Variants in PPP2R5A observed in about 807,000 individuals in gnomAD.
PPP2R5A encodes the protein protein phosphatase 2 regulatory subunit B'alpha.
A neutral mutation model predicts 64.2 loss-of-function variants in PPP2R5A; 25 were observed. The ratio of observed to expected loss-of-function variants is 0.39; its 90% CI spans 0.28 to 0.54. The LOEUF (loss-of-function observed/expected upper bound fraction) is 0.54. Among genes scored for constraint, PPP2R5A ranks in the 20% least tolerant of loss-of-function variants. The probability of loss-of-function intolerance (pLI) is 0.67; values close to 1 mark genes in which losing one functional copy is unlikely to be tolerated. For synonymous variants in PPP2R5A, 198 were observed against 201.2 expected (o/e 0.98, Z 0.13); for missense variants, 425 against 576.3 (o/e 0.74, Z 2.69).
chr1:212,347,553 T>G (rs1379841063), intron 6 of PPP2R5A, 147 bp downstream of exon 6: 25 of 616,012 alleles, frequency 4.1e-5, no homozygotes, highest in Middle Eastern at 4.7e-4. Context: ...TTTTTTTTTT[T>G]TTTGAGACGG....
chr1:212,343,239 C>T (rs942847309), intron 4 of PPP2R5A, among the ~76,000 whole-genome samples: 9 of 152,186 alleles, frequency 5.9e-5, no homozygotes, highest in African/African-American at 2.2e-4. Context: ...AGGTGTGAGC[C>T]ACTGCACTGG....
chr1:212,325,313 G>A (rs1346652553), intron 1 of PPP2R5A, among the ~76,000 whole-genome samples: 1 of 152,176 alleles, frequency 6.6e-6, no homozygotes, highest in African/African-American at 2.4e-5. Flanking sequence ...TGGAGAATGT[G>A]AGATTAAGTT....
At chr1:212,311,686 G>C (rs2102420555) in intron 1 of PPP2R5A, among the ~76,000 whole-genome samples, 1 of 152,200 alleles carries the variant, frequency 6.6e-6, no homozygotes, top group East Asian at 1.9e-4. Context: ...TGACGTAGAT[G>C]ATCCTGACCC....
At chr1:212,304,994 G>C (rs1254304638) in intron 1 of PPP2R5A, among the ~76,000 whole-genome samples, 2 of 149,558 alleles carry the variant, frequency 1.3e-5, no homozygotes, top group Non-Finnish European at 3.0e-5. Context: ...GCGTCCCTGA[G>C]TGCTGGGATT....
rs533912446 is a variant in PPP2R5A, at chr1:212,304,783, A to C, written c.181+18492A>C. The stretch of plus-strand genomic sequence containing the variant: ...AGTCTCACTCTGTTGCCCAGGCTGG[A>C]GTGCAGTGGCATGATCTCGGCTCAC... On this transcript the variant is annotated intron_variant, in intron 1 of 12. Transcript: ENST00000261461. Among the ~76,000 whole-genome samples the C allele has an allele frequency of 2.4e-3, 327 of 135,260 alleles. 3 individuals carry two copies. The highest frequency in any genetic ancestry group is 5.0e-3 in the South Asian group (20 of 3,986). 88.7% of individuals were successfully genotyped at this position (135,260 alleles called of 152,430 possible).
intron 1 of PPP2R5A, among the ~76,000 whole-genome samples, chr1:212,310,618 A>C (rs185642486): frequency 2.0e-5 from 3 of 152,342 alleles, no homozygotes; most frequent in Admixed American, 1.3e-4. Context: ...AAGTGGGAGC[A>C]GCAGCCCGAG....
At chr1:212,338,917 T>C (rs1470376077) in intron 3 of PPP2R5A, among the ~76,000 whole-genome samples, 1 of 152,156 alleles carries the variant, frequency 6.6e-6, no homozygotes, top group Non-Finnish European at 1.5e-5. Context: ...TTTGTAAACA[T>C]TGAGGGTAAA....
intron 1 of PPP2R5A, among the ~76,000 whole-genome samples, chr1:212,311,023 A>G (rs1342332569): frequency 1.3e-5 from 2 of 152,210 alleles, no homozygotes; most frequent in Non-Finnish European, 2.9e-5. Flanking sequence ...GTTTTGGTCC[A>G]TGACGTGGTA....
intron 1 of PPP2R5A, among the ~76,000 whole-genome samples, chr1:212,310,788 C>A (rs1388972468): frequency 6.6e-6 from 1 of 152,158 alleles, no homozygotes; most frequent in African/African-American, 2.4e-5. Flanking sequence ...GCCTGCCTTT[C>A]AGTTGCACTT....
At chr1:212,324,788 G>T (rs1659378209) in intron 1 of PPP2R5A, among the ~76,000 whole-genome samples, 1 of 151,948 alleles carries the variant, frequency 6.6e-6, no homozygotes, top group Non-Finnish European at 1.5e-5. Context: ...GTTACTTTTA[G>T]TAGAGACAGG....
At chr1:212,296,620 T>A (rs894322594) in intron 1 of PPP2R5A, among the ~76,000 whole-genome samples, 3 of 152,208 alleles carry the variant, frequency 2.0e-5, no homozygotes, top group Non-Finnish European at 4.4e-5. Flanking sequence ...CCGGGACAAG[T>A]TGCCTGAATA....
At chr1:212,320,612 C>A (rs1485821242) in intron 1 of PPP2R5A, among the ~76,000 whole-genome samples, 2 of 147,650 alleles carry the variant, frequency 1.4e-5, no homozygotes, top group Admixed American at 1.3e-4. Flanking sequence ...GGGCAGCTGG[C>A]CGGGCGGGGG....
At chr1:212,347,247 A>C (rs1229499583) in intron 5 of PPP2R5A, 100 bp from the exon 6 acceptor site, 2 of 822,454 alleles carry the variant, frequency 2.4e-6, no homozygotes, top group South Asian at 3.1e-5. Context: ...GTGTGTTTCT[A>C]ATAGCTGTCC....
intron 1 of PPP2R5A, among the ~76,000 whole-genome samples, chr1:212,293,796 ACT>A (rs1658645034): frequency 6.6e-6 from 1 of 152,020 alleles, no homozygotes; most frequent in Admixed American, 6.6e-5. Context: ...AATTGCCGCT[ACT>A]ATATAACCTT....
At chr1:212,296,476 A>G (rs1658692649) in intron 1 of PPP2R5A, among the ~76,000 whole-genome samples, 3 of 152,312 alleles carry the variant, frequency 2.0e-5, no homozygotes, top group African/African-American at 7.2e-5. Context: ...GAAGACATTG[A>G]TAGTTTGGGT....
chr1:212,301,181 T>A (rs1263312644), intron 1 of PPP2R5A, among the ~76,000 whole-genome samples: 1 of 152,162 alleles, frequency 6.6e-6, no homozygotes, highest in Non-Finnish European at 1.5e-5. Context: ...TGGCTAATTT[T>A]TGTATTTTTA....
At position 212,321,511 on chromosome 1, in the gene PPP2R5A, C is replaced by T. The variant is rs1452765651; in HGVS notation, c.182-7624C>T. On this transcript the variant is annotated intron_variant, in intron 1 of 12. Transcript: ENST00000261461. ...GCGGAGGGGCTCCTCACTTCTCAGA[C>T]GGGGCGGTTGCCAGGCAGAGGGTCT... 1.6e-4 allele frequency among the ~76,000 whole-genome samples: 24 copies of T among 147,792 alleles called. No individual in the cohort carries two copies. The East Asian group carries it at 4.3e-3, about 27-fold the overall frequency.
chr1:212,347,295 T>C, intron 5 of PPP2R5A, 52 bp from the exon 6 acceptor site: 3 of 1,294,508 alleles, frequency 2.3e-6, no homozygotes, highest in South Asian at 1.3e-5. Flanking sequence ...CTGTTTCTCT[T>C]AGTTTTCTGA....
chr1:212,321,516 C>T (rs1467649161), intron 1 of PPP2R5A, among the ~76,000 whole-genome samples: 10 of 143,010 alleles, frequency 7.0e-5, no homozygotes, highest in Admixed American at 5.5e-4. Flanking sequence ...TCAGACGGGG[C>T]GGTTGCCAGG....
Sources: gnomAD v4.1 joint callset for allele counts (sites outside exome capture counted in the v4.1 genomes callset) on GRCh38, gnomAD v4.1.1 for gene constraint, MANE v1.5 for transcripts, NCBI Gene and HGNC (gene_info 2026-07-23, HGNC 2026-07-21) for gene names.